The following RNLS variants were observed in gnomAD, a reference collection of about 807,000 sequenced individuals.
RNLS encodes the protein renalase, FAD dependent amine oxidase.
RNLS carries 39 observed loss-of-function variants against 39.8 expected under a neutral mutation model. That is an observed-to-expected ratio of 0.98 (90% confidence interval 0.76 to 1.28). The LOEUF is 1.28. Ranked by LOEUF, RNLS falls within the 50% of genes most tolerant of loss-of-function variation. The pLI is 0.00. For missense variants in RNLS, 410 were observed against 413.3 expected (o/e 0.99, Z 0.07); for synonymous variants, 147 against 150.7 (o/e 0.98, Z 0.18).
chr10:88,284,800 A>G lies in RNLS; in HGVS notation c.*554T>C, dbSNP rs1422063320. Reference sequence around the variant, plus strand: ...CTTTATCAGTCAAGTTGCCCTCCACACTAAGATGATGACATATATGACCTA... The same window carrying G: ...CTTTATCAGTCAAGTTGCCCTCCACGCTAAGATGATGACATATATGACCTA... On this transcript the variant is annotated 3_prime_UTR_variant, in exon 7 of 7. Transcript: ENST00000331772. 1.0e-6 allele frequency: 1 copy of G among 985,234 alleles called. No homozygotes were observed. Among genetic ancestry groups the G allele is most frequent in the Non-Finnish European group, 1.2e-6 (1 of 829,898 alleles). 61.0% of individuals were successfully genotyped at this position (985,234 alleles called of 1,614,324 possible). A position where few individuals can be genotyped will look rare whatever the true frequency, so the allele number is the denominator to read the frequency against.
chr10:88,180,247 A>G, the RNLS span, among the ~76,000 whole-genome samples: 2 of 152,200 alleles, frequency 1.3e-5, no homozygotes, highest in Admixed American at 6.5e-5. Flanking sequence ...ACCAAACCCA[A>G]CACTGACATA....
At chr10:88,297,723 T>C (rs1191067695) in intron 6 of RNLS, among the ~76,000 whole-genome samples, 1 of 152,238 alleles carries the variant, frequency 6.6e-6, no homozygotes, top group East Asian at 1.9e-4. Flanking sequence ...TAATATATAT[T>C]GTTTATCCAT....
chr10:88,398,876 T>C (rs1490697420), intron 4 of RNLS, among the ~76,000 whole-genome samples: 1 of 152,034 alleles, frequency 6.6e-6, no homozygotes, highest in African/African-American at 2.4e-5. Flanking sequence ...AATATTTGCA[T>C]ATCATATATC....
At chr10:88,214,400 T>A in the RNLS span, among the ~76,000 whole-genome samples, 4 of 151,412 alleles carry the variant, frequency 2.6e-5, no homozygotes, top group Non-Finnish European at 4.4e-5. Flanking sequence ...TCAGGTTTGG[T>A]GTGAAGGAAA....
At chr10:88,207,446 T>G in the RNLS span, among the ~76,000 whole-genome samples, 2 of 151,998 alleles carry the variant, frequency 1.3e-5, no homozygotes, top group African/African-American at 4.8e-5. Flanking sequence ...AACTGACCAT[T>G]AGGGGAATGC....
intron 4 of RNLS, among the ~76,000 whole-genome samples, chr10:88,375,445 G>A (rs566682906): frequency 6.6e-6 from 1 of 152,182 alleles, no homozygotes; most frequent in African/African-American, 2.4e-5. Flanking sequence ...ACATTGCTTT[G>A]TTTTGATTGT....
chr10:88,310,182 C>T (rs1303402680), intron 6 of RNLS, among the ~76,000 whole-genome samples: 1 of 152,176 alleles, frequency 6.6e-6, no homozygotes, highest in South Asian at 2.1e-4. Context: ...CACTGCACTC[C>T]AGCCTGGGTG....
In RNLS at chr10:88,285,418, G is replaced by C. The variant is rs1241367480; in HGVS notation, c.965C>G (p.Ser322Cys). ...LACGGDGFTQSNFDGCITSAL... is the reference protein window; with the variant it reads ...LACGGDGFTQCNFDGCITSAL... ...AGAAGTGATGCAGCCATCAAAGTTG[G>C]ACTGAGTAAATCCATCCCCTCCACA... The change falls in exon 7 of 7, where the codon TCC (serine) becomes TGC (cysteine). Residue 322 changes from serine to cysteine, a missense_variant. By Grantham distance (112) the Ser-to-Cys change is moderately radical. Coordinates refer to ENST00000331772, the MANE Select transcript of RNLS (RefSeq NM_001031709.3). The C allele has an allele frequency of 6.2e-7, 1 of 1,613,166 alleles. No individual in the cohort carries two copies. The highest frequency in any genetic ancestry group is 8.5e-7 in the Non-Finnish European group (1 of 1,179,470).
rs763546241 is a variant in RNLS at position 88,558,213 on chromosome 10, T to A, written c.526+14690A>T. 5.4e-4 allele frequency among the ~76,000 whole-genome samples: 82 copies of A among 152,148 alleles called. 1 individual carries two copies. Among genetic ancestry groups the A allele is most frequent in the Non-Finnish European group, 5.9e-5 (4 of 68,022 alleles). Reference sequence around the variant, plus strand: ...GGGGCAAAAAGGTATACCGCTCCAATTACTAAAGCCTGGAGAAGATTTGGA... The same window carrying A: ...GGGGCAAAAAGGTATACCGCTCCAAATACTAAAGCCTGGAGAAGATTTGGA... On this transcript the variant is annotated intron_variant, in intron 4 of 6. Transcript: ENST00000331772.
chr10:88,332,531 C>T (rs902089380), intron 5 of RNLS, among the ~76,000 whole-genome samples: 1 of 152,092 alleles, frequency 6.6e-6, no homozygotes, highest in Non-Finnish European at 1.5e-5. Context: ...CTAGTTAAAA[C>T]CGTTGAAGAG....
intron 4 of RNLS, among the ~76,000 whole-genome samples, chr10:88,402,471 A>G (rs1375078684): frequency 6.6e-6 from 1 of 152,030 alleles, no homozygotes; most frequent in Non-Finnish European, 1.5e-5. Flanking sequence ...GACATACTCT[A>G]ACAAAACTAG....
chr10:88,374,092 AT>A (rs2133450229), intron 4 of RNLS, among the ~76,000 whole-genome samples: 1 of 152,202 alleles, frequency 6.6e-6, no homozygotes, highest in Non-Finnish European at 1.5e-5. Flanking sequence ...GGGGCAAAAA[AT>A]AATAACAATT....
the RNLS span, among the ~76,000 whole-genome samples, chr10:88,234,747 C>T: frequency 6.6e-6 from 1 of 152,158 alleles, no homozygotes; most frequent in Admixed American, 6.5e-5. Context: ...AGTAACAAAG[C>T]AGGCAGAACA....
intron 4 of RNLS, among the ~76,000 whole-genome samples, chr10:88,435,377 C>A (rs894581533): frequency 2.0e-5 from 3 of 150,986 alleles, no homozygotes; most frequent in Non-Finnish European, 4.4e-5. Context: ...CATACCACCC[C>A]CACCAAGAAG....
chr10:88,347,437 G>C (rs1465441876), intron 5 of RNLS, among the ~76,000 whole-genome samples: 1 of 152,122 alleles, frequency 6.6e-6, no homozygotes, highest in Non-Finnish European at 1.5e-5. Flanking sequence ...AGAGTATGAA[G>C]AGCTCTGTTT....
chr10:88,172,842 GTTTTTTTTTT>G, the RNLS span, among the ~76,000 whole-genome samples: 1,214 of 43,658 alleles, frequency 0.028, 14 homozygotes, highest in East Asian at 0.055. Flanking sequence ...ATTTTGAGTT[GTTTTTTTTTT>G]TTTTTTTTTT....
intron 4 of RNLS, among the ~76,000 whole-genome samples, chr10:88,402,501 A>C (rs1418568192): frequency 2.0e-5 from 3 of 152,058 alleles, no homozygotes; most frequent in Non-Finnish European, 4.4e-5. Context: ...ATAGTTTTAC[A>C]GCTAAAAGTT....
chr10:88,362,774 C>T (rs1170238412), intron 4 of RNLS, 49 bp from the exon 5 acceptor site: 3 of 1,547,510 alleles, frequency 1.9e-6, no homozygotes, highest in South Asian at 2.4e-5. Flanking sequence ...ACCATCTTTC[C>T]TTTTAGCACA....
rs148482269 is a variant in RNLS, at chr10:88,513,930, T to A, written c.526+58973A>T. On this transcript the variant is annotated intron_variant, in intron 4 of 6. Coordinates refer to ENST00000331772, the MANE Select transcript of RNLS (RefSeq NM_001031709.3). ...TTGTAGTAGTGTTGTTCTACATTTA[T>A]TTTAGTGAAGTTCAACATTTTTTTT... is the stretch of plus-strand genomic sequence containing the variant. Among the ~76,000 whole-genome samples, 406 of 152,212 alleles carry A rather than the reference T, an allele frequency of 2.7e-3. 1 individual carries two copies. Among genetic ancestry groups the A allele is most frequent in the African/African-American group, 9.3e-3 (386 of 41,562 alleles).
Sources: allele counts gnomAD v4.1 joint callset (sites outside exome capture counted in the v4.1 genomes callset), GRCh38; gene constraint gnomAD v4.1.1; transcripts MANE v1.5; gene names NCBI Gene and HGNC (gene_info 2026-07-23, HGNC 2026-07-21).